Variants in DHX36 observed in about 807,000 individuals in gnomAD.
DHX36 encodes the protein DEAH-box helicase 36.
A neutral mutation model predicts 139.0 loss-of-function variants in DHX36; 50 were observed. That is an observed-to-expected ratio of 0.36 (90% CI 0.29 to 0.46). DHX36 has a LOEUF of 0.46. DHX36 is among the 20% of genes least tolerant of loss of function. The pLI, the probability that DHX36 is intolerant of heterozygous loss-of-function variation, is 1.00. For synonymous variants in DHX36, 425 were observed against 401.9 expected (o/e 1.06, Z -0.69); for missense variants, 1,024 against 1,211.3 (o/e 0.85, Z 2.29).
Position 154,275,921 on chromosome 3 carries a change from C to G in DHX36, c.*250G>C. The stretch of plus-strand genomic sequence containing the variant: ...AATATATATAAAGGGAATATACTCC[C>G]AAAGAGTGGGCATGACCACAGCAGA... On this transcript the variant is annotated 3_prime_UTR_variant, in exon 25 of 25. Transcript: ENST00000496811. The G allele has an allele frequency of 3.9e-6, 1 of 259,238 alleles. No individual in the cohort carries two copies. Among genetic ancestry groups the G allele is most frequent in the East Asian group, 7.1e-5 (1 of 14,040 alleles). The allele number at this position is 259,238 out of a possible 1,614,324, so 16.1% of individuals were successfully genotyped here.
At chr3:154,298,377 TTG>T (rs1452838157) in intron 12 of DHX36, among the ~76,000 whole-genome samples, 2 of 152,124 alleles carry the variant, frequency 1.3e-5, no homozygotes, top group African/African-American at 4.8e-5. Flanking sequence ...AAAATTCTAG[TTG>T]TTTGAAAAAT....
rs1300623737 is a variant in DHX36, at chr3:154,289,662, AATG to A, written c.1932+44_1932+46del. 4.6e-6 allele frequency: 5 copies of A among 1,096,358 alleles called. No individual in the cohort carries two copies. In the South Asian group the frequency reaches 5.1e-5, roughly 11 times the overall value. The allele number at this position is 1,096,358 out of a possible 1,614,324, so 67.9% of individuals were successfully genotyped here. ...ACTTTGTTCTACAAAAGATGTTGAAAATGAGATCACTTCCATTTAGTTTCTTCA... is the reference window on the plus strand; with the variant it reads ...ACTTTGTTCTACAAAAGATGTTGAAAAGATCACTTCCATTTAGTTTCTTCA... On this transcript the variant is annotated intron_variant, in intron 16 of 24. Transcript: ENST00000496811.
At chr3:154,309,535 C>T (rs889602453) in intron 5 of DHX36, 118 bp downstream of exon 5, 2 of 829,526 alleles carry the variant, frequency 2.4e-6, no homozygotes, top group Non-Finnish European at 3.4e-6. Flanking sequence ...CAACTATTTG[C>T]TTTCATAGTC....
At chr3:154,284,388 C>A (rs1276657356) in intron 19 of DHX36, among the ~76,000 whole-genome samples, 195 bp downstream of exon 19, 1 of 151,902 alleles carries the variant, frequency 6.6e-6, no homozygotes, top group East Asian at 1.9e-4. Context: ...GCCATGTTGG[C>A]CAGCCTGGTC....
chr3:154,308,526 G>A (rs1712600087), intron 5 of DHX36, among the ~76,000 whole-genome samples: 1 of 152,022 alleles, frequency 6.6e-6, no homozygotes, highest in South Asian at 2.1e-4. Flanking sequence ...TATTTAACTA[G>A]GTCATCTAAC....
rs1386646365 is a variant in DHX36, at chr3:154,309,972, G to T, written c.643-149C>A. The T allele has an allele frequency of 8.5e-6, 5 of 590,156 alleles. No individual in the cohort carries two copies. In the African/African-American group the frequency reaches 9.7e-5, roughly 11 times the overall value. 36.6% of individuals were successfully genotyped at this position (590,156 alleles called of 1,614,324 possible). On this transcript the variant is annotated intron_variant, in intron 4 of 24. Coordinates refer to ENST00000496811, the MANE Select transcript of DHX36 (RefSeq NM_020865.3). ...TGCCATATCCAATACTGGCAGTTTG[G>T]ATATCTGGATCTACCAACCTGCAAG... is the stretch of plus-strand genomic sequence containing the variant.
chr3:154,278,347 T>G (rs1374995135), intron 22 of DHX36: 1 of 152,190 alleles, frequency 6.6e-6, no homozygotes, highest in African/African-American at 2.4e-5. Context: ...GTCTTTAGTA[T>G]TATTCAACAG....
At chr3:154,301,419 G>A (rs1278119872) in intron 9 of DHX36, among the ~76,000 whole-genome samples, 4 of 152,108 alleles carry the variant, frequency 2.6e-5, no homozygotes, top group Admixed American at 6.6e-5. Context: ...TTTTAAGTTT[G>A]CTTTAGAACA....
At chr3:154,295,029 G>A (rs1711985662) in intron 13 of DHX36, among the ~76,000 whole-genome samples, 1 of 152,116 alleles carries the variant, frequency 6.6e-6, no homozygotes, top group South Asian at 2.1e-4. Flanking sequence ...GAAGTTACTG[G>A]TGAAACCAAT....
At chr3:154,295,251 A>AATACATTTAACAAATGT (rs1278028920) in intron 13 of DHX36, 33 bp downstream of exon 13, 1 of 1,387,642 alleles carries the variant, frequency 7.2e-7, no homozygotes, top group Non-Finnish European at 9.9e-7. Flanking sequence ...CTCAGTTTGA[A>AATACATTTAACAAATGT]ATACATTTAA....
chr3:154,301,897 A>G (rs768121250), intron 9 of DHX36, among the ~76,000 whole-genome samples: 2 of 151,996 alleles, frequency 1.3e-5, no homozygotes, highest in Non-Finnish European at 2.9e-5. Context: ...CAGCATCTAG[A>G]TGGAATGGGG....
intron 5 of DHX36, 46 bp from the exon 6 acceptor site, chr3:154,306,341 C>G: frequency 6.7e-7 from 1 of 1,492,300 alleles, no homozygotes; most frequent in Non-Finnish European, 9.3e-7. Flanking sequence ...TCCTTTAGAA[C>G]AAATATCCTG....
At position 154,324,345 on chromosome 3, in the gene DHX36, C is replaced by T; in HGVS notation, c.72G>A (p.Gly24=). Residue 24 remains glycine (G), a synonymous_variant, in exon 1 of 25, where the codon GGG becomes GGA. Coordinates refer to ENST00000496811, the MANE Select transcript of DHX36 (RefSeq NM_020865.3). ...GPRSSGGGYG[G]GPAGGHGGNR... is the part of the protein sequence containing the mutation. Reference sequence around the variant, plus strand: ...TACCTCCATGACCCCCTGCTGGCCCCCCTCCATAGCCCCCACCGGAGCTGC... The same window carrying T: ...TACCTCCATGACCCCCTGCTGGCCCTCCTCCATAGCCCCCACCGGAGCTGC... The T allele has an allele frequency of 6.2e-7, 1 of 1,603,870 alleles. No individual in the cohort carries two copies. The highest frequency in any genetic ancestry group is 8.5e-7 in the Non-Finnish European group (1 of 1,174,074).
chr3:154,284,987 T>A lies in DHX36; in HGVS notation c.2032A>T (p.Asn678Tyr), dbSNP rs746382604. The A allele has an allele frequency of 6.2e-7, 1 of 1,614,080 alleles. No individual in the cohort carries two copies. Among genetic ancestry groups the A allele is most frequent in the Admixed American group, 1.7e-5 (1 of 60,008 alleles). The change falls in exon 18 of 25, where the codon AAC (asparagine) becomes TAC (tyrosine). Residue 678 changes from asparagine to tyrosine, a missense_variant and splice_region_variant. By Grantham distance (143) the Asn-to-Tyr change is moderately radical (BLOSUM62 -2). This residue lies in a region of DHX36 where 470 missense variants were observed against 616.2 expected (regional missense o/e 0.76). Coordinates refer to ENST00000496811, the MANE Select transcript of DHX36 (RefSeq NM_020865.3). ...AATTCTTCTTGTTTATCCAAAGCGT[T>A]CTGTAAAGGAAGAGTGTGTGTTTAA... ...LLSIRHLMEL[N>Y]ALDKQEELTP...
intron 17 of DHX36, among the ~76,000 whole-genome samples, chr3:154,286,512 A>G (rs1316556502): frequency 6.6e-6 from 1 of 151,184 alleles, no homozygotes; most frequent in Non-Finnish European, 1.5e-5. Flanking sequence ...CCACTAACCT[A>G]GAAGATTAGT....
chr3:154,315,058 A>G lies in DHX36; in HGVS notation c.591T>C (p.Tyr197=), dbSNP rs1264244949. The change falls in exon 3 of 25, where the codon TAT becomes TAC. Residue 197 remains tyrosine, a synonymous_variant. Coordinates refer to ENST00000496811, the MANE Select transcript of DHX36 (RefSeq NM_020865.3). ...DLQKKKNDLR[Y]IEMQHFREKL... ...ATCTTTCTACTACCTGCATTTCAAT[A>G]TACCGAAGGTCATTTTTTTTCTTTT... The G allele has an allele frequency of 4.4e-6, 7 of 1,596,580 alleles. No individual in the cohort carries two copies. In the South Asian group the frequency reaches 6.8e-5, roughly 16 times the overall value.
chr3:154,299,672 T>C, intron 12 of DHX36, 166 bp downstream of exon 12: 1 of 647,070 alleles, frequency 1.5e-6, no homozygotes, highest in East Asian at 2.9e-5. Flanking sequence ...TTAGGCAAAT[T>C]GTGAAAAAGA....
At chr3:154,284,490 A>T (rs760504453) in intron 19 of DHX36, 93 bp downstream of exon 19, 1 of 1,166,044 alleles carries the variant, frequency 8.6e-7, no homozygotes, top group Non-Finnish European at 1.2e-6. Flanking sequence ...CTTATAACAG[A>T]GATTTCAAAA....
At chr3:154,310,817 AT>A (rs1712723505) in intron 4 of DHX36, among the ~76,000 whole-genome samples, 1 of 23,400 alleles carries the variant, frequency 4.3e-5, no homozygotes, top group African/African-American at 2.1e-4. Context: ...ATATATATAT[AT>A]ATATATATAT....
Sources: allele counts gnomAD v4.1 joint callset (sites outside exome capture counted in the v4.1 genomes callset), GRCh38; gene constraint gnomAD v4.1.1; regional missense constraint gnomAD v4.1.1; transcripts MANE v1.5; gene names NCBI Gene and HGNC (gene_info 2026-07-23, HGNC 2026-07-21).